SLC6A9: variants seen among roughly 807,000 people sequenced by gnomAD.
SLC6A9 encodes sodium- and chloride-dependent glycine transporter 1.
Under a neutral mutation model 70.9 loss-of-function variants are expected in SLC6A9, and 31 were observed. The ratio of observed to expected loss-of-function variants is 0.44; its 90% CI spans 0.33 to 0.59. SLC6A9 has a LOEUF of 0.59. Ranked by LOEUF, SLC6A9 falls within the 20% of genes least tolerant of loss-of-function variation. The pLI is 0.04. For synonymous variants in SLC6A9, 310 were observed against 341.3 expected, an observed-to-expected ratio of 0.91 and a Z score of 1.01; for missense variants, 631 against 845.2, an observed-to-expected ratio of 0.75 and a Z score of 3.14.
chr1:44,000,522 C>T (rs769890719), intron 12 of SLC6A9, among the ~76,000 whole-genome samples: 16 of 152,246 alleles, frequency 1.1e-4, no homozygotes, highest in Non-Finnish European at 1.8e-4. Flanking sequence ...GCCTGAGCAA[C>T]GTCTGCAGTC....
At chr1:44,024,600 A>C (rs539820328) in intron 1 of SLC6A9, among the ~76,000 whole-genome samples, 2 of 152,284 alleles carry the variant, frequency 1.3e-5, no homozygotes, top group South Asian at 2.1e-4. Flanking sequence ...TCTATTTTTG[A>C]CTTTCCAGAT....
In SLC6A9 at chr1:43,997,434, G is replaced by A. The variant is rs200440159; in HGVS notation, c.*111C>T. 88 of 928,448 alleles carry A rather than the reference G, an allele frequency of 9.5e-5. No individual in the cohort carries two copies. The highest frequency in any genetic ancestry group is 3.1e-4 in the Middle Eastern group (1 of 3,230). The allele number at this position is 928,448 out of a possible 1,614,324, so 57.5% of individuals were successfully genotyped here. Reference sequence around the variant, plus strand: ...AGTGGTGACCAAGGTGACAGCAGCCGTCCTGGCCAGGGCGTGGCAGGGGGC... The same window carrying A: ...AGTGGTGACCAAGGTGACAGCAGCCATCCTGGCCAGGGCGTGGCAGGGGGC... On this transcript the variant is annotated 3_prime_UTR_variant, in exon 14 of 14. Coordinates refer to ENST00000372310, the MANE Select transcript of SLC6A9 (RefSeq NM_001024845.3). This position sits in a 1 kb window ranked among gnomAD's most constrained non-coding sequence, Gnocchi z 4.4.
rs762281636 is a variant in SLC6A9, at chr1:44,017,057, G to A, written c.31-6175C>T. The A allele has an allele frequency of 3.1e-6, 5 of 1,599,588 alleles. No individual in the cohort carries two copies. The African/African-American group carries it at 5.4e-5, about 17-fold the overall frequency. ...TGGAAGGTGACTGACCTGTTCTGGG[G>A]AAGAGGGGGCCACAGGTCCATGAGC... On this transcript the variant is annotated intron_variant, in intron 2 of 13. Coordinates refer to ENST00000372310, the MANE Select transcript of SLC6A9 (RefSeq NM_001024845.3).
intron 5 of SLC6A9, among the ~76,000 whole-genome samples, chr1:44,007,715 C>T (rs896387205): frequency 3.3e-5 from 5 of 152,106 alleles, no homozygotes; most frequent in South Asian, 2.1e-4. Flanking sequence ...AGCTTTGGGG[C>T]CAGCCTCTGC....
chr1:44,028,779 A>AAGAG (rs141741974), intron 1 of SLC6A9, among the ~76,000 whole-genome samples: 1 of 149,570 alleles, frequency 6.7e-6, no homozygotes, highest in South Asian at 2.1e-4. Context: ...AGAAAAAAGA[A>AAGAG]AGAGAGAGAG....
Position 44,009,975 on chromosome 1 carries a change from G to T in SLC6A9, c.309C>A (p.Pro103=). The part of the protein sequence containing the change: ...QGCLGVWRIS[P]MFKGVGYGMM... Reference sequence around the variant, plus strand: ...CCGCCCAGGCCTCACCTTTGAACATGGGGCTGATCCTCCAGACCCCCAGGC... The same window carrying T: ...CCGCCCAGGCCTCACCTTTGAACATTGGGCTGATCCTCCAGACCCCCAGGC... The change falls in exon 4 of 14, where the codon CCC becomes CCA. Residue 103 remains proline, a synonymous_variant. Coordinates refer to ENST00000372310, the MANE Select transcript of SLC6A9 (RefSeq NM_001024845.3). The T allele has an allele frequency of 6.2e-7, 1 of 1,614,014 alleles. No homozygotes were observed. The highest frequency in any genetic ancestry group is 1.1e-5 in the South Asian group (1 of 91,078).
Position 44,002,424 on chromosome 1 carries a change from G to A in SLC6A9, c.859-8C>T, listed in dbSNP as rs1217826036. ...GGCAGCATCACCCCACACCTGCAGGGAAGGACCGGTGGGTGAGGAGCTGTG... is the reference window on the plus strand; with the variant it reads ...GGCAGCATCACCCCACACCTGCAGGAAAGGACCGGTGGGTGAGGAGCTGTG... On this transcript the variant is annotated splice_region_variant and splice_polypyrimidine_tract_variant and intron_variant, in intron 7 of 13. Transcript: ENST00000372310. This position sits in a 1 kb window ranked among gnomAD's most constrained non-coding sequence, Gnocchi z 5.5. 1 of 1,613,646 alleles carries A rather than the reference G, an allele frequency of 6.2e-7. No individual in the cohort carries two copies. Among genetic ancestry groups the A allele is most frequent in the Middle Eastern group, 1.7e-4 (1 of 6,058 alleles).
chr1:44,031,196 A>G (rs981969800), intron 1 of SLC6A9, 110 bp downstream of exon 1: 5 of 150,112 alleles, frequency 3.3e-5, no homozygotes, highest in Middle Eastern at 3.2e-3. Flanking sequence ...ACACACACAC[A>G]CGCACACGCT....
intron 2 of SLC6A9, chr1:44,015,857 G>C: frequency 2.0e-6 from 2 of 985,358 alleles, no homozygotes; most frequent in Non-Finnish European, 2.4e-6. Context: ...GGCAGAACAT[G>C]GGAAAATCTC....
intron 2 of SLC6A9, among the ~76,000 whole-genome samples, chr1:44,022,705 T>C (rs2086905568): frequency 1.2e-5 from 1 of 81,114 alleles, no homozygotes; most frequent in African/African-American, 1.3e-4. Context: ...AATTTTTCTT[T>C]CTTTCTTTCT....
At position 43,997,432 on chromosome 1, in the gene SLC6A9, C is replaced by G. The variant is rs201264443; in HGVS notation, c.*113G>C. On this transcript the variant is annotated 3_prime_UTR_variant, in exon 14 of 14. Transcript: ENST00000372310. This position sits in a 1 kb window ranked among gnomAD's most constrained non-coding sequence, Gnocchi z 4.4. ...GCAGTGGTGACCAAGGTGACAGCAG[C>G]CGTCCTGGCCAGGGCGTGGCAGGGG... The G allele has an allele frequency of 1.1e-6, 1 of 892,824 alleles. No individual in the cohort carries two copies. Among genetic ancestry groups the G allele is most frequent in the Non-Finnish European group, 1.8e-6 (1 of 555,888 alleles). 55.3% of individuals were successfully genotyped at this position (892,824 alleles called of 1,614,324 possible). A position where few individuals can be genotyped will look rare whatever the true frequency, so the allele number is the denominator to read the frequency against.
rs770493508 is a variant in SLC6A9, at chr1:44,010,094, C to T, written c.190G>A (p.Ala64Thr). 1.3e-5 allele frequency: 21 copies of T among 1,613,584 alleles called. No homozygotes were observed. The highest frequency in any genetic ancestry group is 1.4e-5 in the Non-Finnish European group (17 of 1,179,782). The change falls in exon 4 of 14, where the codon GCC becomes ACC. Residue 64 changes from alanine (A) to threonine (T), a missense_variant and splice_region_variant. Coordinates refer to ENST00000372310, the MANE Select transcript of SLC6A9 (RefSeq NM_001024845.3). The stretch of plus-strand genomic sequence containing the variant: ...ATGATGAAGTAGGGGAACATGAAGG[C>T]GCCTGGTAGGCAGGGAGAGGTCTGG... ...PYLCYRNGGG[A>T]FMFPYFIMLI...
chr1:44,002,809 G>T lies in SLC6A9; in HGVS notation c.723+44C>A. 5.6e-6 allele frequency: 9 copies of T among 1,611,868 alleles called. No homozygotes were observed. Among genetic ancestry groups the T allele is most frequent in the South Asian group, 1.1e-5 (1 of 91,026 alleles). Reference sequence around the variant, plus strand: ...ACACATAACCCAGGTAGGGGGCAGGGTCTTTCTGGGTGGGCACAGACCCTG... The same window carrying T: ...ACACATAACCCAGGTAGGGGGCAGGTTCTTTCTGGGTGGGCACAGACCCTG... On this transcript the variant is annotated intron_variant, in intron 6 of 13. Coordinates refer to ENST00000372310, the MANE Select transcript of SLC6A9 (RefSeq NM_001024845.3). This position sits in a 1 kb window ranked among gnomAD's most constrained non-coding sequence, Gnocchi z 5.5.
At chr1:44,031,225 C>G (rs1014101929) in intron 1 of SLC6A9, 81 bp downstream of exon 1, 1 of 152,694 alleles carries the variant, frequency 6.5e-6, no homozygotes, top group Non-Finnish European at 1.5e-5. Flanking sequence ...GGCTCAGCCC[C>G]GCGGAGCCGC....
chr1:44,010,613 G>A (rs1416822076), intron 3 of SLC6A9, 113 bp downstream of exon 3: 21 of 1,097,028 alleles, frequency 1.9e-5, no homozygotes, highest in African/African-American at 3.1e-5. Context: ...GGAGGCCAGG[G>A]CCAGAGGCCA....
At chr1:44,009,896 G>A (rs1571879118) in intron 4 of SLC6A9, 69 bp downstream of exon 4, 8 of 1,565,014 alleles carry the variant, frequency 5.1e-6, no homozygotes, top group South Asian at 2.4e-5. Flanking sequence ...AGATGGGCGA[G>A]TTGGCACGGC....
At position 44,016,981 on chromosome 1, in the gene SLC6A9, C is replaced by T. The variant is rs1240433278; in HGVS notation, c.31-6099G>A. ...AGACCACTCAGCCCCTCTCCCCATC[C>T]GCAGCCCAGCCTCTCAGCCTGCCTG... On this transcript the variant is annotated intron_variant, in intron 2 of 13. Coordinates refer to ENST00000372310, the MANE Select transcript of SLC6A9 (RefSeq NM_001024845.3). 27 of 1,498,176 alleles carry T rather than the reference C, an allele frequency of 1.8e-5. No homozygotes were observed. In the Admixed American group the frequency reaches 2.1e-4, roughly 12 times the overall value. 92.8% of individuals were successfully genotyped at this position (1,498,176 alleles called of 1,614,324 possible). A position where few individuals can be genotyped will look rare whatever the true frequency, so the allele number is the denominator to read the frequency against.
intron 2 of SLC6A9, 112 bp downstream of exon 2, chr1:44,024,136 C>T: frequency 2.7e-6 from 3 of 1,118,352 alleles, no homozygotes; most frequent in Non-Finnish European, 4.1e-6. Flanking sequence ...GCTGGGCACT[C>T]AGGAGCCCTG....
chr1:44,017,451 C>T (rs539427619), intron 2 of SLC6A9: 54 of 907,500 alleles, frequency 6.0e-5, no homozygotes, highest in East Asian at 7.8e-5. Context: ...ACTCCCCCCA[C>T]GGAGCTGACC....
Sources: allele counts gnomAD v4.1 joint callset (sites outside exome capture counted in the v4.1 genomes callset), GRCh38; gene constraint gnomAD v4.1.1; non-coding constraint Gnocchi (gnomAD v3.1); transcripts MANE v1.5; gene names NCBI Gene and HGNC (gene_info 2026-07-23, HGNC 2026-07-21).